The following FNIP1 variants were observed in gnomAD, a reference collection of about 807,000 sequenced individuals.
FNIP1 encodes the protein folliculin-interacting protein 1.
Under a neutral mutation model 124.5 loss-of-function variants are expected in FNIP1, and 40 were observed. That is an observed-to-expected ratio of 0.32 (90% CI 0.25 to 0.42). The LOEUF (loss-of-function observed/expected upper bound fraction) is 0.42, where lower values mean the gene tolerates loss of function less well. Among genes scored for constraint, FNIP1 ranks in the 10% least tolerant of loss-of-function variants. FNIP1 has a pLI of 1.00. For synonymous variants in FNIP1, 472 were observed against 470.6 expected (o/e 1.00, Z -0.04); for missense variants, 1,176 against 1,403.7 (o/e 0.84, Z 2.59).
intron 11 of FNIP1, among the ~76,000 whole-genome samples, chr5:131,681,947 G>A (rs530172029): frequency 1.3e-5 from 2 of 151,968 alleles, no homozygotes; most frequent in African/African-American, 2.4e-5. Context: ...TGATAAATGA[G>A]GAAATAGCAA....
intron 11 of FNIP1, among the ~76,000 whole-genome samples, chr5:131,688,852 TA>T (rs1442784838): frequency 6.6e-6 from 1 of 150,982 alleles, no homozygotes; most frequent in Non-Finnish European, 1.5e-5. Flanking sequence ...GGATAAAAAA[TA>T]ATATCCAGGA....
Position 131,679,036 on chromosome 5 carries a change from TGGAAGCA to T in FNIP1, c.1335_1341del (p.Asn445LysfsTer14). 1 of 1,604,054 alleles carries T rather than the reference TGGAAGCA, an allele frequency of 6.2e-7. No individual in the cohort carries two copies. Among genetic ancestry groups the T allele is most frequent in the Admixed American group, 1.7e-5 (1 of 57,684 alleles). On this transcript the variant is annotated frameshift_variant, in exon 12 of 18. Coordinates refer to ENST00000510461, the MANE Select transcript of FNIP1 (RefSeq NM_133372.3). LOFTEE classifies it high-confidence loss of function. ...TAATAAATAAATTCATACTGATTTT[TGGAAGCA>T]TTTTCCATTAGAAAGGTGAACTCCT...
intron 2 of FNIP1, among the ~76,000 whole-genome samples, chr5:131,743,980 C>T (rs779361578): frequency 2.6e-5 from 4 of 152,002 alleles, no homozygotes; most frequent in African/African-American, 4.8e-5. Flanking sequence ...GAATACATCG[C>T]AGGAGAGAAA....
intron 1 of FNIP1, among the ~76,000 whole-genome samples, chr5:131,756,636 G>A (rs1397601574): frequency 6.6e-6 from 1 of 152,146 alleles, no homozygotes; most frequent in Non-Finnish European, 1.5e-5. Context: ...ATGAGGTAGG[G>A]AAAATGACCC....
Position 131,644,612 on chromosome 5 carries a change from A to G in FNIP1, c.*73T>C. 1 of 1,300,568 alleles carries G rather than the reference A, an allele frequency of 7.7e-7. No homozygotes were observed. Among genetic ancestry groups the G allele is most frequent in the Non-Finnish European group, 1.1e-6 (1 of 900,488 alleles). The allele number at this position is 1,300,568 out of a possible 1,614,324, so 80.6% of individuals were successfully genotyped here. ...AGTCTAAAAGGGAAAAAGAATCTCC[A>G]TAAATGCATGTTGTGTCTGCTTCCT... is the stretch of plus-strand genomic sequence containing the variant. On this transcript the variant is annotated 3_prime_UTR_variant, in exon 18 of 18. Transcript: ENST00000510461.
At chr5:131,678,312 CT>C in intron 12 of FNIP1, among the ~76,000 whole-genome samples, 1 of 152,310 alleles carries the variant, frequency 6.6e-6, no homozygotes, top group Middle Eastern at 3.4e-3. Flanking sequence ...AATTATTCAT[CT>C]GGATTCCAAA....
At chr5:131,788,365 A>G (rs996458112) in intron 1 of FNIP1, among the ~76,000 whole-genome samples, 7 of 152,062 alleles carry the variant, frequency 4.6e-5, no homozygotes, top group African/African-American at 1.4e-4. Flanking sequence ...TAATTATTAT[A>G]TTAGTAAGAA....
intron 6 of FNIP1, among the ~76,000 whole-genome samples, chr5:131,711,346 G>A (rs1026766620): frequency 1.3e-5 from 2 of 152,198 alleles, no homozygotes; most frequent in Non-Finnish European, 2.9e-5. Context: ...ACTGCAGTCT[G>A]AAGACCCAAG....
intron 15 of FNIP1, 68 bp from the exon 16 acceptor site, chr5:131,652,067 C>A (rs752556865): frequency 7.6e-6 from 11 of 1,442,668 alleles, no homozygotes; most frequent in Non-Finnish European, 1.0e-5. Flanking sequence ...GGTAATTCAG[C>A]AATGAAGGTT....
At chr5:131,693,317 C>CATATATATATATATATATAT (rs1561658252) in intron 11 of FNIP1, among the ~76,000 whole-genome samples, 2 of 41,596 alleles carry the variant, frequency 4.8e-5, no homozygotes, top group East Asian at 5.1e-4. Flanking sequence ...TATATATATA[C>CATATATATATATATATATAT]ACATATATAT....
chr5:131,763,862 C>T (rs745401825), intron 1 of FNIP1, among the ~76,000 whole-genome samples: 64 of 152,152 alleles, frequency 4.2e-4, no homozygotes, highest in Non-Finnish European at 7.9e-4. Flanking sequence ...TAATTCCTAA[C>T]CATTTCTAGT....
intron 2 of FNIP1, among the ~76,000 whole-genome samples, chr5:131,741,371 T>G (rs1770508188): frequency 6.6e-6 from 1 of 152,206 alleles, no homozygotes; most frequent in South Asian, 2.1e-4. Flanking sequence ...AGACACTATT[T>G]GAGCATGCAA....
chr5:131,687,791 ACTC>A (rs1485275607), intron 11 of FNIP1, among the ~76,000 whole-genome samples: 1 of 151,912 alleles, frequency 6.6e-6, no homozygotes, highest in African/African-American at 2.4e-5. Flanking sequence ...AGTGACAAAA[ACTC>A]CTAGGGACCT....
chr5:131,709,314 T>A (rs1156783154), intron 7 of FNIP1, 42 bp from the exon 8 acceptor site: 2 of 1,528,134 alleles, frequency 1.3e-6, no homozygotes, highest in Non-Finnish European at 1.8e-6. Context: ...AATATATTGC[T>A]ATTCAGGTGG....
At position 131,674,654 on chromosome 5, in the gene FNIP1, G is replaced by T. The variant is rs369027803; in HGVS notation, c.1520-1730C>A. ...AATCACCTGAGCCCAGGAAGTTGAGGCTGCAGTGAGCTGTGATCGCACCAC... is the reference window on the plus strand; with the variant it reads ...AATCACCTGAGCCCAGGAAGTTGAGTCTGCAGTGAGCTGTGATCGCACCAC... On this transcript the variant is annotated intron_variant, in intron 13 of 17. Transcript: ENST00000510461. 3.3e-5 allele frequency among the ~76,000 whole-genome samples: 5 copies of T among 152,208 alleles called. No individual in the cohort carries two copies. In the East Asian group the frequency reaches 7.7e-4, roughly 23 times the overall value.
At chr5:131,762,012 C>A (rs1771247877) in intron 1 of FNIP1, among the ~76,000 whole-genome samples, 1 of 152,124 alleles carries the variant, frequency 6.6e-6, no homozygotes, top group Non-Finnish European at 1.5e-5. Flanking sequence ...TGAGAAAGGA[C>A]AGTCTCTTAA....
At chr5:131,656,288 T>C (rs1396351174) in intron 15 of FNIP1, among the ~76,000 whole-genome samples, 1 of 152,192 alleles carries the variant, frequency 6.6e-6, no homozygotes. Flanking sequence ...ATAGATTAAG[T>C]AGCTGTGGTT....
intron 9 of FNIP1, among the ~76,000 whole-genome samples, 163 bp from the exon 10 acceptor site, chr5:131,704,429 A>T (rs1769009467): frequency 6.6e-6 from 1 of 152,184 alleles, no homozygotes; most frequent in Non-Finnish European, 1.5e-5. Context: ...TCTACTGGCT[A>T]TTCTTTCAGG....
In FNIP1 at chr5:131,644,656, C is replaced by G. The variant is rs760883739; in HGVS notation, c.*29G>C. On this transcript the variant is annotated 3_prime_UTR_variant, in exon 18 of 18. Transcript: ENST00000510461. ...GCTTCCTTGGTTTCTACCTATTTTC[C>G]CACCAATTTCTAACAATTTTTAGGT... is the stretch of plus-strand genomic sequence containing the variant. 46 of 1,594,426 alleles carry G rather than the reference C, an allele frequency of 2.9e-5. No homozygotes were observed. The Admixed American group carries it at 7.5e-4, about 26-fold the overall frequency.
Sources: allele counts gnomAD v4.1 joint callset (sites outside exome capture counted in the v4.1 genomes callset), GRCh38; gene constraint gnomAD v4.1.1; transcripts MANE v1.5; gene names NCBI Gene and HGNC (gene_info 2026-07-23, HGNC 2026-07-21).